The following ATF7IP2 variants were observed in gnomAD, a reference collection of about 807,000 sequenced individuals.
ATF7IP2 encodes the protein activating transcription factor 7-interacting protein 2.
ATF7IP2 carries 42 observed loss-of-function variants against 64.2 expected under a neutral mutation model. The observed-to-expected ratio is 0.65, with a 90% CI of 0.51 to 0.85. The LOEUF (loss-of-function observed/expected upper bound fraction) is 0.85, where lower values mean the gene tolerates loss of function less well. Among genes scored for constraint, ATF7IP2 ranks in the 40% least tolerant of loss-of-function variants. The probability of loss-of-function intolerance (pLI) is 0.00; values close to 1 mark genes in which losing one functional copy is unlikely to be tolerated. For missense variants in ATF7IP2, 933 were observed against 784.2 expected (o/e 1.19, Z -2.27); for synonymous variants, 308 against 272.8 (o/e 1.13, Z -1.27).
rs906946800 is a variant in ATF7IP2, at chr16:10,482,479, G to A, written c.*230G>A. On this transcript the variant is annotated 3_prime_UTR_variant, in exon 14 of 14. Coordinates refer to ENST00000562102, the MANE Select transcript of ATF7IP2 (RefSeq NM_001393719.1). ...AAAACATACGCTATCATTGGCCCAT[G>A]TTGCTGAGGTGCATTGTGAACAATA... The A allele has an allele frequency of 2.7e-6, 1 of 372,982 alleles. No individual in the cohort carries two copies. The highest frequency in any genetic ancestry group is 2.1e-5 in the African/African-American group (1 of 47,400). 23.1% of individuals were successfully genotyped at this position (372,982 alleles called of 1,614,324 possible).
intron 9 of ATF7IP2, among the ~76,000 whole-genome samples, chr16:10,462,277 C>T (rs1464607207): frequency 3.3e-5 from 5 of 151,986 alleles, no homozygotes; most frequent in African/African-American, 1.2e-4. Context: ...TCGAGTTACC[C>T]ACATATTTAT....
At chr16:10,391,891 G>A (rs1310145335) in intron 1 of ATF7IP2, among the ~76,000 whole-genome samples, 3 of 146,024 alleles carry the variant, frequency 2.1e-5, no homozygotes, top group Middle Eastern at 6.8e-3. Context: ...GTGAGATTCT[G>A]TTTAAAAAAA....
chr16:10,473,869 A>G (rs2049899628), intron 11 of ATF7IP2, 54 bp from the exon 12 acceptor site: 11 of 1,177,260 alleles, frequency 9.3e-6, no homozygotes. Flanking sequence ...AATTTTTAAA[A>G]ACATTTTCAG....
At chr16:10,455,664 T>G (rs2049139591) in intron 8 of ATF7IP2, among the ~76,000 whole-genome samples, 1 of 152,166 alleles carries the variant, frequency 6.6e-6, no homozygotes, top group Non-Finnish European at 1.5e-5. Flanking sequence ...CTAGATTACC[T>G]TGAACAGACT....
intron 1 of ATF7IP2, among the ~76,000 whole-genome samples, chr16:10,405,801 C>A (rs1186433058): frequency 1.3e-5 from 2 of 152,174 alleles, no homozygotes; most frequent in Admixed American, 1.3e-4. Flanking sequence ...TGACAATAAA[C>A]CTGTGTTGCT....
At chr16:10,478,309 T>TA (rs1326960686) in intron 12 of ATF7IP2, among the ~76,000 whole-genome samples, 2 of 151,306 alleles carry the variant, frequency 1.3e-5, no homozygotes, top group Non-Finnish European at 2.9e-5. Context: ...AACAGAGATA[T>TA]AGATCAATGG....
intron 9 of ATF7IP2, among the ~76,000 whole-genome samples, chr16:10,458,101 C>G (rs1361060169): frequency 6.6e-6 from 1 of 152,228 alleles, no homozygotes; most frequent in Admixed American, 6.5e-5. Flanking sequence ...CCCTTTCCCA[C>G]AGATAACTAT....
At chr16:10,480,985 G>C (rs2050201075) in intron 13 of ATF7IP2, 21 bp downstream of exon 13, 1 of 1,525,964 alleles carries the variant, frequency 6.6e-7, no homozygotes, top group Non-Finnish European at 9.1e-7. Context: ...AAAGTGCTCT[G>C]TAAGGGATAT....
Position 10,482,046 on chromosome 16 carries a change from T to G in ATF7IP2, c.1846T>G (p.Cys616Gly), listed in dbSNP as rs541890510. ...TGTAGAAAGCTACCACCTCTTCCTGTGTCATGAGAACTCTAATAATAAGTT... is the reference window on the plus strand; with the variant it reads ...TGTAGAAAGCTACCACCTCTTCCTGGGTCATGAGAACTCTAATAATAAGTT... The part of the protein sequence containing the change: ...APVESYHLFL[C>G]HENSNNKLIW... The change falls in exon 14 of 14, where the codon TGT becomes GGT. Residue 616 changes from cysteine (C) to glycine (G), a missense_variant. Transcript: ENST00000562102. 4 of 1,613,906 alleles carry G rather than the reference T, an allele frequency of 2.5e-6. No individual in the cohort carries two copies. Among genetic ancestry groups the G allele is most frequent in the Non-Finnish European group, 3.4e-6 (4 of 1,179,826 alleles).
intron 10 of ATF7IP2, 139 bp from the exon 11 acceptor site, chr16:10,473,340 G>C: frequency 1.8e-6 from 1 of 565,754 alleles, no homozygotes; most frequent in Non-Finnish European, 3.2e-6. Context: ...TTTGGAATAG[G>C]TAAAGTCAAT....
intron 9 of ATF7IP2, among the ~76,000 whole-genome samples, chr16:10,466,859 A>G (rs992925857): frequency 7.3e-5 from 11 of 151,604 alleles, no homozygotes; most frequent in African/African-American, 2.4e-4. Flanking sequence ...TCCTACTTCC[A>G]TATTTTTAAA....
intron 1 of ATF7IP2, chr16:10,386,366 G>A (rs1328453457): frequency 6.6e-6 from 1 of 152,430 alleles, no homozygotes. Flanking sequence ...TACTGGTGAA[G>A]CGGGAGTGGT....
chr16:10,449,851 T>G (rs1292811078), intron 8 of ATF7IP2: 1 of 152,200 alleles, frequency 6.6e-6, no homozygotes, highest in Non-Finnish European at 1.5e-5. Context: ...TAGAGTTATT[T>G]CTTGTCTTCT....
At chr16:10,469,502 T>G (rs2049707696) in intron 9 of ATF7IP2, among the ~76,000 whole-genome samples, 2 of 151,986 alleles carry the variant, frequency 1.3e-5, no homozygotes, top group Non-Finnish European at 2.9e-5. Context: ...CATCATCAGA[T>G]TGCTGAAAGT....
At chr16:10,436,943 C>G (rs2048438899) in intron 6 of ATF7IP2, among the ~76,000 whole-genome samples, 1 of 151,474 alleles carries the variant, frequency 6.6e-6, no homozygotes, top group Non-Finnish European at 1.5e-5. Flanking sequence ...CATATTACAG[C>G]TACTACGATT....
At chr16:10,447,792 T>A (rs936958467) in intron 8 of ATF7IP2, 6 of 152,216 alleles carry the variant, frequency 3.9e-5, no homozygotes, top group African/African-American at 1.4e-4. Context: ...CTGGGCCTGT[T>A]AAAGGCAGGA....
intron 9 of ATF7IP2, among the ~76,000 whole-genome samples, chr16:10,464,959 T>C (rs1296021662): frequency 6.6e-6 from 1 of 152,166 alleles, no homozygotes; most frequent in African/African-American, 2.4e-5. Flanking sequence ...GCCTCCTGAA[T>C]AGCTGGGATT....
chr16:10,420,908 C>T (rs1304171011), intron 3 of ATF7IP2, among the ~76,000 whole-genome samples: 1 of 152,188 alleles, frequency 6.6e-6, no homozygotes, highest in African/African-American at 2.4e-5. Flanking sequence ...TTACTAGACC[C>T]ACCTGTGAAG....
intron 8 of ATF7IP2, chr16:10,449,048 T>G (rs1240339971): frequency 6.6e-6 from 1 of 152,200 alleles, no homozygotes. Context: ...CAAAGGCCTT[T>G]TCTGCATCTA....
Sources: gnomAD v4.1 joint callset for allele counts (sites outside exome capture counted in the v4.1 genomes callset) on GRCh38, gnomAD v4.1.1 for gene constraint, MANE v1.5 for transcripts, NCBI Gene and HGNC (gene_info 2026-07-23, HGNC 2026-07-21) for gene names.